CTTNBP2: variants seen among roughly 807,000 people sequenced by gnomAD.
CTTNBP2 encodes the protein cortactin-binding protein 2.
In CTTNBP2, 108 loss-of-function variants were observed where a neutral mutation model predicts 156.9. The ratio of observed to expected loss-of-function variants is 0.69; its 90% CI spans 0.59 to 0.81. CTTNBP2 has a LOEUF of 0.81. Ranked by LOEUF, CTTNBP2 falls within the 30% of genes least tolerant of loss-of-function variation. CTTNBP2 has a pLI of 0.00. For synonymous variants in CTTNBP2, 767 were observed against 751.8 expected, an observed-to-expected ratio of 1.02 and a Z score of -0.33; for missense variants, 1,924 against 2,035.4, an observed-to-expected ratio of 0.95 and a Z score of 1.05.
intron 8 of CTTNBP2, among the ~76,000 whole-genome samples, chr7:117,773,684 CACACACACACACACACACACACA>C (rs1562992338): frequency 6.6e-4 from 99 of 150,540 alleles, no homozygotes; most frequent in African/African-American, 2.2e-3. Context: ...CACACACACA[CACACACACACACACACACACACA>C]CCCCAAAAAA....
chr7:117,733,240 C>T (rs1795502811), intron 16 of CTTNBP2, among the ~76,000 whole-genome samples: 1 of 152,162 alleles, frequency 6.6e-6, no homozygotes, highest in African/African-American at 2.4e-5. Context: ...GTTTTATTAA[C>T]CTACTTGAAG....
At chr7:117,743,100 G>A (rs1327064396) in intron 14 of CTTNBP2, among the ~76,000 whole-genome samples, 2 of 152,240 alleles carry the variant, frequency 1.3e-5, no homozygotes, top group East Asian at 3.9e-4. Context: ...AAATTAGGAA[G>A]AGCAGCTCTT....
intron 9 of CTTNBP2, among the ~76,000 whole-genome samples, chr7:117,761,228 A>T (rs548577749): frequency 1.3e-5 from 2 of 152,324 alleles, no homozygotes; most frequent in Admixed American, 1.3e-4. Flanking sequence ...TTTCTTCCAT[A>T]AAATGGAGGG....
intron 3 of CTTNBP2, among the ~76,000 whole-genome samples, chr7:117,797,401 A>G (rs1399981702): frequency 1.3e-5 from 2 of 152,232 alleles, no homozygotes; most frequent in Non-Finnish European, 1.5e-5. Context: ...TATCATCCTC[A>G]GTGTTCAGTA....
intron 14 of CTTNBP2, among the ~76,000 whole-genome samples, chr7:117,745,386 G>C (rs903631440): frequency 6.6e-6 from 1 of 152,182 alleles, no homozygotes; most frequent in South Asian, 2.1e-4. Flanking sequence ...GTGAGGTAGA[G>C]AAAGTGGTTG....
intron 1 of CTTNBP2, among the ~76,000 whole-genome samples, chr7:117,870,508 CT>C (rs1804515314): frequency 6.6e-6 from 1 of 152,228 alleles, no homozygotes; most frequent in African/African-American, 2.4e-5. Flanking sequence ...TTCTTTGTCA[CT>C]GCCACCATGA....
chr7:117,824,702 T>G (rs528336010), intron 2 of CTTNBP2, among the ~76,000 whole-genome samples: 2 of 152,342 alleles, frequency 1.3e-5, no homozygotes, highest in East Asian at 3.9e-4. Flanking sequence ...CTCCAAGATC[T>G]ATGTCCCATT....
At chr7:117,771,450 T>A (rs1391164335) in intron 8 of CTTNBP2, among the ~76,000 whole-genome samples, 1 of 151,970 alleles carries the variant, frequency 6.6e-6, no homozygotes, top group Non-Finnish European at 1.5e-5. Context: ...AGCAAGAAGG[T>A]AGAGTTAGGT....
chr7:117,867,588 C>T (rs1804286146), intron 1 of CTTNBP2, among the ~76,000 whole-genome samples: 1 of 151,970 alleles, frequency 6.6e-6, no homozygotes, highest in Non-Finnish European at 1.5e-5. Context: ...CTACTGCACA[C>T]AGTATGAAAA....
At chr7:117,779,598 AATAT>A (rs1052608150) in intron 7 of CTTNBP2, among the ~76,000 whole-genome samples, 2 of 152,022 alleles carry the variant, frequency 1.3e-5, no homozygotes, top group Non-Finnish European at 2.9e-5. Context: ...TTTCTCAAGT[AATAT>A]ATATAAATAA....
intron 14 of CTTNBP2, among the ~76,000 whole-genome samples, chr7:117,740,294 T>G (rs1795927502): frequency 6.6e-6 from 1 of 151,954 alleles, no homozygotes; most frequent in Non-Finnish European, 1.5e-5. Context: ...ACCTAATTAT[T>G]TAAAATACTT....
At chr7:117,784,077 G>T (rs1169964686) in intron 5 of CTTNBP2, among the ~76,000 whole-genome samples, 174 bp downstream of exon 5, 3 of 151,926 alleles carry the variant, frequency 2.0e-5, no homozygotes, top group Non-Finnish European at 2.9e-5. Context: ...GTACAATTTG[G>T]ATTTTTTAAA....
chr7:117,743,689 G>A (rs1033409685), intron 14 of CTTNBP2, among the ~76,000 whole-genome samples: 1 of 143,098 alleles, frequency 7.0e-6, no homozygotes. Context: ...TTGAACCAGC[G>A]AGGCAGAGGT....
chr7:117,867,361 G>A (rs996663594), intron 1 of CTTNBP2, among the ~76,000 whole-genome samples: 2 of 151,860 alleles, frequency 1.3e-5, no homozygotes, highest in African/African-American at 4.8e-5. Flanking sequence ...TCTTGTTCTC[G>A]CCATTCAGTC....
chr7:117,777,195 T>C (rs1189188944), intron 8 of CTTNBP2, among the ~76,000 whole-genome samples: 1 of 152,180 alleles, frequency 6.6e-6, no homozygotes, highest in Non-Finnish European at 1.5e-5. Flanking sequence ...GTGTTGGTAC[T>C]GAAGTAAGCA....
At chr7:117,759,623 G>A (rs1330229128) in intron 10 of CTTNBP2, among the ~76,000 whole-genome samples, 2 of 152,100 alleles carry the variant, frequency 1.3e-5, no homozygotes, top group East Asian at 1.9e-4. Flanking sequence ...TTTCCAATAC[G>A]GTGCTGTTGA....
intron 5 of CTTNBP2, among the ~76,000 whole-genome samples, chr7:117,783,631 T>C (rs1416023752): frequency 6.6e-6 from 1 of 152,166 alleles, no homozygotes; most frequent in Non-Finnish European, 1.5e-5. Context: ...GTCACTAGAA[T>C]CCTCCATTTA....
chr7:117,737,856 G>A (rs1223520195), intron 14 of CTTNBP2, among the ~76,000 whole-genome samples: 1 of 152,178 alleles, frequency 6.6e-6, no homozygotes, highest in Non-Finnish European at 1.5e-5. Context: ...GGGATTACAG[G>A]TGTGAGCCAC....
At position 117,767,120 on chromosome 7, in the gene CTTNBP2, C is replaced by A; in HGVS notation, c.2835G>T (p.Lys945Asn). ...CAACATCATGCACAGTCCGATTGCA[C>A]TTGTCTCTCCTTTCTGGCTCAAGCC... Reference protein sequence around the residue: ...HGGLEPERRDKCNRTVHDVAT... With the variant: ...HGGLEPERRDNCNRTVHDVAT... The change falls in exon 9 of 23, where the codon AAG becomes AAT. Residue 945 changes from lysine to asparagine, a missense_variant. By Grantham distance (94) the Lys-to-Asn change is moderately conservative. Coordinates refer to ENST00000160373, the MANE Select transcript of CTTNBP2 (RefSeq NM_033427.3). The A allele has an allele frequency of 6.2e-7, 1 of 1,613,486 alleles. No homozygotes were observed. Among genetic ancestry groups the A allele is most frequent in the Non-Finnish European group, 8.5e-7 (1 of 1,179,404 alleles).
Sources: allele counts gnomAD v4.1 joint callset (sites outside exome capture counted in the v4.1 genomes callset), GRCh38; gene constraint gnomAD v4.1.1; transcripts MANE v1.5; gene names NCBI Gene and HGNC (gene_info 2026-07-23, HGNC 2026-07-21).